FCHSD2: variants seen among roughly 807,000 people sequenced by gnomAD.
FCHSD2 encodes FCH and double SH3 domains 2.
A neutral mutation model predicts 108.1 loss-of-function variants in FCHSD2; 38 were observed. The ratio of observed to expected loss-of-function variants is 0.35; its 90% CI spans 0.27 to 0.46. The LOEUF (loss-of-function observed/expected upper bound fraction) is 0.46. FCHSD2 is among the 20% of genes least tolerant of loss of function. The pLI is 1.00. For missense variants in FCHSD2, 751 were observed against 897.8 expected (o/e 0.84, Z 2.09); for synonymous variants, 279 against 314.7 (o/e 0.89, Z 1.20).
chr11:73,078,690 TG>T (rs1186575475), intron 3 of FCHSD2, among the ~76,000 whole-genome samples: 2 of 151,836 alleles, frequency 1.3e-5, no homozygotes, highest in Non-Finnish European at 2.9e-5. Flanking sequence ...TAACTGCTTC[TG>T]GGGCCCTGAT....
intron 3 of FCHSD2, among the ~76,000 whole-genome samples, chr11:73,043,061 A>T (rs377502346): frequency 6.6e-6 from 1 of 152,128 alleles, no homozygotes; most frequent in East Asian, 1.9e-4. Flanking sequence ...CTCTTGACTG[A>T]TGCTCTGGCT....
chr11:72,928,666 A>C (rs1240080509), intron 8 of FCHSD2, among the ~76,000 whole-genome samples: 1 of 152,190 alleles, frequency 6.6e-6, no homozygotes, highest in Non-Finnish European at 1.5e-5. Flanking sequence ...CATGGATTGA[A>C]TCTTATTTAA....
intron 13 of FCHSD2, among the ~76,000 whole-genome samples, chr11:72,857,289 A>C (rs980912797): frequency 6.6e-6 from 1 of 152,198 alleles, no homozygotes; most frequent in Non-Finnish European, 1.5e-5. Context: ...TTCTTGACCC[A>C]GCATTTCTAA....
chr11:72,961,785 T>C (rs953193577), intron 8 of FCHSD2, among the ~76,000 whole-genome samples: 1 of 152,358 alleles, frequency 6.6e-6, no homozygotes, highest in Non-Finnish European at 1.5e-5. Flanking sequence ...AAATATTTTA[T>C]AGAATTATGT....
intron 19 of FCHSD2, among the ~76,000 whole-genome samples, chr11:72,839,598 C>T (rs1860844984): frequency 6.6e-6 from 1 of 152,028 alleles, no homozygotes; most frequent in Non-Finnish European, 1.5e-5. Flanking sequence ...CTGTGGGAGG[C>T]AGGGGCAGGA....
At chr11:73,026,861 T>G (rs751478217) in intron 3 of FCHSD2, among the ~76,000 whole-genome samples, 1 of 152,196 alleles carries the variant, frequency 6.6e-6, no homozygotes, top group African/African-American at 2.4e-5. Flanking sequence ...TTGCTCGCTC[T>G]CTCTCCTGCG....
At chr11:73,137,077 A>T (rs1031082647) in intron 2 of FCHSD2, among the ~76,000 whole-genome samples, 2 of 152,174 alleles carry the variant, frequency 1.3e-5, no homozygotes, top group Non-Finnish European at 2.9e-5. Flanking sequence ...GTGAATTTTT[A>T]AAAAATCATT....
rs555269153 is a variant in FCHSD2, at chr11:72,858,327, T to C, written c.1309-8438A>G. Among the ~76,000 whole-genome samples the C allele has an allele frequency of 5.0e-4, 76 of 152,362 alleles. 1 individual carries two copies. Among genetic ancestry groups the C allele is most frequent in the Admixed American group, 4.2e-3 (65 of 15,310 alleles). ...AAAGACACATGCACATGCATGTTCA[T>C]TGCAGCACTATTCACAATAGCAAAG... is the stretch of plus-strand genomic sequence containing the variant. On this transcript the variant is annotated intron_variant, in intron 13 of 19. Transcript: ENST00000409418.
chr11:72,843,980 C>T (rs890652981), intron 14 of FCHSD2, among the ~76,000 whole-genome samples: 3 of 152,096 alleles, frequency 2.0e-5, no homozygotes, highest in African/African-American at 7.2e-5. Context: ...TGCACTCCAG[C>T]CTGGGCAACA....
At chr11:72,948,791 G>A (rs548834753) in intron 8 of FCHSD2, among the ~76,000 whole-genome samples, 48 of 151,382 alleles carry the variant, frequency 3.2e-4, no homozygotes, top group East Asian at 2.7e-3. Flanking sequence ...TCAGTCTCCC[G>A]AGTAGCTGGG....
chr11:72,903,583 T>A (rs1423794300), intron 9 of FCHSD2, among the ~76,000 whole-genome samples: 2 of 152,090 alleles, frequency 1.3e-5, no homozygotes, highest in Non-Finnish European at 1.5e-5. Context: ...AAGGCAGCCA[T>A]CTGAAAAGAA....
chr11:72,879,481 G>C (rs2135229505), intron 12 of FCHSD2, among the ~76,000 whole-genome samples: 1 of 152,262 alleles, frequency 6.6e-6, no homozygotes, highest in Non-Finnish European at 1.5e-5. Flanking sequence ...GATGGAATGA[G>C]TAGACAAGAA....
At chr11:72,947,488 T>C (rs1435116560) in intron 8 of FCHSD2, among the ~76,000 whole-genome samples, 1 of 152,188 alleles carries the variant, frequency 6.6e-6, no homozygotes, top group Admixed American at 6.5e-5. Flanking sequence ...CACATAGGAA[T>C]TGACCACAAG....
chr11:72,990,421 T>A (rs767850056), intron 5 of FCHSD2, among the ~76,000 whole-genome samples: 1 of 152,132 alleles, frequency 6.6e-6, no homozygotes, highest in Non-Finnish European at 1.5e-5. Flanking sequence ...AGCACCACAC[T>A]GCACTTATTC....
intron 8 of FCHSD2, among the ~76,000 whole-genome samples, chr11:72,927,873 C>T (rs943948508): frequency 7.9e-5 from 12 of 152,200 alleles, no homozygotes; most frequent in Admixed American, 1.3e-4. Context: ...CGGGGAATCA[C>T]GCTCTACTTT....
At chr11:72,952,817 T>C (rs963619907) in intron 8 of FCHSD2, among the ~76,000 whole-genome samples, 2 of 152,188 alleles carry the variant, frequency 1.3e-5, no homozygotes, top group African/African-American at 4.8e-5. Flanking sequence ...TTCACCTTAT[T>C]TCCACAGGTG....
intron 3 of FCHSD2, among the ~76,000 whole-genome samples, chr11:73,019,102 T>G (rs1308469635): frequency 6.6e-6 from 1 of 152,138 alleles, no homozygotes; most frequent in African/African-American, 2.4e-5. Context: ...TCAAATCACA[T>G]CTAAATGACA....
At chr11:72,970,768 C>T (rs887396453) in intron 8 of FCHSD2, among the ~76,000 whole-genome samples, 2 of 152,162 alleles carry the variant, frequency 1.3e-5, no homozygotes, top group Admixed American at 6.5e-5. Context: ...GGCCGCTGAA[C>T]CTCTCCTTTC....
chr11:72,842,319 T>C (rs1860984388), intron 17 of FCHSD2, among the ~76,000 whole-genome samples: 1 of 152,202 alleles, frequency 6.6e-6, no homozygotes, highest in Admixed American at 6.5e-5. Flanking sequence ...CCCTCTTCGG[T>C]TTGTTTCTTT....
Sources: gnomAD v4.1 joint callset for allele counts (sites outside exome capture counted in the v4.1 genomes callset) on GRCh38, gnomAD v4.1.1 for gene constraint, MANE v1.5 for transcripts, NCBI Gene and HGNC (gene_info 2026-07-23, HGNC 2026-07-21) for gene names.